The following MCF2L2 variants were observed in gnomAD, a reference collection of about 807,000 sequenced individuals.
The protein encoded by MCF2L2 is probable guanine nucleotide exchange factor MCF2L2.
A neutral mutation model predicts 150.2 loss-of-function variants in MCF2L2; 102 were observed. That is an observed-to-expected ratio of 0.68 (90% CI 0.58 to 0.80). The LOEUF (loss-of-function observed/expected upper bound fraction) is 0.80. Among genes scored for constraint, MCF2L2 ranks in the 30% least tolerant of loss-of-function variants. The probability of loss-of-function intolerance (pLI) is 0.00; values close to 1 mark genes in which losing one functional copy is unlikely to be tolerated. For missense variants in MCF2L2, 1,256 were observed against 1,372.8 expected (o/e 0.91, Z 1.34); for synonymous variants, 465 against 491.3 (o/e 0.95, Z 0.71).
At chr3:183,299,965 A>T in intron 11 of MCF2L2, 40 bp downstream of exon 11, 1 of 1,589,326 alleles carries the variant, frequency 6.3e-7, no homozygotes, top group Non-Finnish European at 8.5e-7. Context: ...CTTCACAGAA[A>T]ATCTTGCAGA....
At chr3:183,351,236 A>ATG (rs1731127132) in intron 3 of MCF2L2, among the ~76,000 whole-genome samples, 3 of 70,398 alleles carry the variant, frequency 4.3e-5, no homozygotes, top group African/African-American at 8.0e-5. Context: ...ATATATATAT[A>ATG]TTTATTTATT....
chr3:183,273,876 G>A (rs533093061), intron 15 of MCF2L2, among the ~76,000 whole-genome samples: 10 of 152,042 alleles, frequency 6.6e-5, no homozygotes, highest in Admixed American at 2.0e-4. Context: ...CTAGGTTCTC[G>A]TATGTATAAC....
rs1560346660 is a variant in MCF2L2 at position 183,216,030 on chromosome 3, A to G, written c.2435T>C (p.Ile812Thr). 4 of 1,614,096 alleles carry G rather than the reference A, an allele frequency of 2.5e-6. No individual in the cohort carries two copies. Among genetic ancestry groups the G allele is most frequent in the Non-Finnish European group, 3.4e-6 (4 of 1,179,950 alleles). ...STELQQALAV[I>T]EDLIKSCELA... is the part of the protein sequence containing the mutation. Reference sequence around the variant, plus strand: ...CTCACAGGACTTGATCAAATCCTCTATCACTGCCAAAGCTTGTTGTAGTTC... The same window carrying G: ...CTCACAGGACTTGATCAAATCCTCTGTCACTGCCAAAGCTTGTTGTAGTTC... The change falls in exon 22 of 30, where the codon ATA becomes ACA. Residue 812 changes from isoleucine (I) to threonine (T), a missense_variant. Coordinates refer to ENST00000328913, the MANE Select transcript of MCF2L2 (RefSeq NM_015078.4).
intron 3 of MCF2L2, among the ~76,000 whole-genome samples, chr3:183,369,470 ATGC>A (rs1712734285): frequency 6.6e-6 from 1 of 152,128 alleles, no homozygotes; most frequent in Non-Finnish European, 1.5e-5. Context: ...GATCATGCTA[ATGC>A]TGCCATTTTT....
intron 1 of MCF2L2, among the ~76,000 whole-genome samples, chr3:183,416,443 A>G (rs1577139054): frequency 6.6e-6 from 1 of 152,220 alleles, no homozygotes; most frequent in Middle Eastern, 3.4e-3. Context: ...TAAATATATT[A>G]TATTACTGAA....
intron 27 of MCF2L2, among the ~76,000 whole-genome samples, chr3:183,186,118 G>A (rs1721684266): frequency 6.6e-6 from 1 of 152,126 alleles, no homozygotes; most frequent in South Asian, 2.1e-4. Context: ...ATGAGTGGCA[G>A]GAGGGAAGGG....
At chr3:183,403,645 G>A (rs575662743) in intron 1 of MCF2L2, among the ~76,000 whole-genome samples, 4 of 152,328 alleles carry the variant, frequency 2.6e-5, no homozygotes, top group East Asian at 1.9e-4. Flanking sequence ...TTCCATCCTC[G>A]AAGGAATCTT....
At chr3:183,349,315 A>G (rs1012652909) in intron 3 of MCF2L2, among the ~76,000 whole-genome samples, 3 of 152,220 alleles carry the variant, frequency 2.0e-5, no homozygotes, top group Non-Finnish European at 2.9e-5. Flanking sequence ...CTTCTCCAAT[A>G]TAAGTATTTC....
chr3:183,280,494 AT>A (rs1376366421), intron 14 of MCF2L2, among the ~76,000 whole-genome samples: 1 of 151,990 alleles, frequency 6.6e-6, no homozygotes, highest in East Asian at 1.9e-4. Flanking sequence ...AAGTTAAATG[AT>A]TTTACTTTGT....
At chr3:183,390,300 T>C (rs1380209262) in intron 1 of MCF2L2, among the ~76,000 whole-genome samples, 1 of 152,156 alleles carries the variant, frequency 6.6e-6, no homozygotes, top group African/African-American at 2.4e-5. Context: ...CCTTCCAGAA[T>C]ACTTTAAGGG....
chr3:183,365,316 T>G (rs1264962792), intron 3 of MCF2L2, among the ~76,000 whole-genome samples: 1 of 151,850 alleles, frequency 6.6e-6, no homozygotes, highest in Admixed American at 6.6e-5. Flanking sequence ...AACAAGTTTT[T>G]CTTTTCTTTT....
At chr3:183,182,967 C>T (rs759667472) in intron 27 of MCF2L2, among the ~76,000 whole-genome samples, 5 of 152,158 alleles carry the variant, frequency 3.3e-5, no homozygotes, top group Non-Finnish European at 7.3e-5. Context: ...TTCCCTTCCT[C>T]ACCCAGGCCT....
chr3:183,307,916 T>A (rs542873658), intron 10 of MCF2L2, among the ~76,000 whole-genome samples: 4 of 152,252 alleles, frequency 2.6e-5, no homozygotes, highest in Admixed American at 2.0e-4. Context: ...TTAGGACCTT[T>A]GCACCTGCAG....
chr3:183,204,868 TA>T (rs1419658011), intron 25 of MCF2L2, among the ~76,000 whole-genome samples: 1 of 151,996 alleles, frequency 6.6e-6, no homozygotes, highest in Non-Finnish European at 1.5e-5. Flanking sequence ...AAATGAAACT[TA>T]AAAAAATACG....
At position 183,270,243 on chromosome 3, in the gene MCF2L2, G is replaced by A; in HGVS notation, c.1862+6629C>T. ...AGAACTACAAAGAAAACTGGCTTGGGAAGATCAAAGGTACAATGATATAAT... is the reference window on the plus strand; with the variant it reads ...AGAACTACAAAGAAAACTGGCTTGGAAAGATCAAAGGTACAATGATATAAT... On this transcript the variant is annotated intron_variant, in intron 15 of 29. Coordinates refer to ENST00000328913, the MANE Select transcript of MCF2L2 (RefSeq NM_015078.4). The surrounding 1 kb of genome is among the most constrained non-coding windows in gnomAD (Gnocchi z 4.5). 1 of 1,614,150 alleles carries A rather than the reference G, an allele frequency of 6.2e-7. No individual in the cohort carries two copies. Among genetic ancestry groups the A allele is most frequent in the South Asian group, 1.1e-5 (1 of 91,084 alleles).
At chr3:183,300,892 G>A (rs1728808933) in intron 10 of MCF2L2, among the ~76,000 whole-genome samples, 1 of 151,704 alleles carries the variant, frequency 6.6e-6, no homozygotes. Context: ...GTAGGTGTCT[G>A]TAATCCCAAC....
chr3:183,355,563 C>T (rs1011822659), intron 3 of MCF2L2, among the ~76,000 whole-genome samples: 21 of 150,968 alleles, frequency 1.4e-4, no homozygotes, highest in African/African-American at 4.4e-4. Flanking sequence ...TCTCCTGCCT[C>T]AGCCTCCCGA....
intron 15 of MCF2L2, among the ~76,000 whole-genome samples, chr3:183,263,096 C>G: frequency 6.6e-6 from 1 of 151,996 alleles, no homozygotes; most frequent in East Asian, 1.9e-4. Context: ...AGTGAGTGTA[C>G]TATAGAGTGA....
intron 3 of MCF2L2, among the ~76,000 whole-genome samples, chr3:183,351,913 T>C (rs1444850327): frequency 6.6e-6 from 1 of 152,186 alleles, no homozygotes; most frequent in Admixed American, 6.5e-5. Flanking sequence ...CCTTCCAATT[T>C]TAACATTCTA....
Sources: gnomAD v4.1 joint callset for allele counts (sites outside exome capture counted in the v4.1 genomes callset) on GRCh38, gnomAD v4.1.1 for gene constraint, Gnocchi (gnomAD v3.1) non-coding constraint, MANE v1.5 for transcripts, NCBI Gene and HGNC (gene_info 2026-07-23, HGNC 2026-07-21) for gene names.